Variants in PRKCB observed in about 807,000 individuals in gnomAD.
The protein encoded by PRKCB is protein kinase C beta, also known as protein kinase C beta type.
PRKCB carries 13 observed loss-of-function variants against 81.5 expected under a neutral mutation model. The observed-to-expected ratio is 0.16, with a 90% CI of 0.10 to 0.25. The LOEUF is 0.25. Ranked by LOEUF, PRKCB falls within the 10% of genes least tolerant of loss-of-function variation. The pLI, the probability that PRKCB is intolerant of heterozygous loss-of-function variation, is 1.00. For synonymous variants in PRKCB, 335 were observed against 321.4 expected (o/e 1.04, Z -0.45); for missense variants, 509 against 875.7 (o/e 0.58, Z 5.29).
chr16:24,188,264 A>G (rs1967735315), intron 15 of PRKCB, among the ~76,000 whole-genome samples: 1 of 152,154 alleles, frequency 6.6e-6, no homozygotes, highest in Non-Finnish European at 1.5e-5. Context: ...TCCTTCAAGG[A>G]GGGTACTCCA....
At chr16:24,004,478 CAAAAAAAAAAAAAA>C (rs71154264) in intron 3 of PRKCB, among the ~76,000 whole-genome samples, 2 of 47,450 alleles carry the variant, frequency 4.2e-5, no homozygotes, top group South Asian at 6.7e-4. Flanking sequence ...CAAGTCTCTA[CAAAAAAAAAAAAAA>C]AAAAAAGAAA....
At chr16:23,874,092 A>G (rs1287461174) in intron 2 of PRKCB, among the ~76,000 whole-genome samples, 2 of 152,228 alleles carry the variant, frequency 1.3e-5, no homozygotes, top group Non-Finnish European at 2.9e-5. Flanking sequence ...ACCCACGTAC[A>G]CATGTATTTA....
At chr16:24,197,139 C>G (rs1967891681) in intron 16 of PRKCB, among the ~76,000 whole-genome samples, 1 of 152,160 alleles carries the variant, frequency 6.6e-6, no homozygotes, top group African/African-American at 2.4e-5. Flanking sequence ...TAATTAACAT[C>G]CCTGCCTTCA....
chr16:23,847,554 A>ATCCG (rs1217904981), intron 2 of PRKCB, among the ~76,000 whole-genome samples: 1 of 142,320 alleles, frequency 7.0e-6, no homozygotes, highest in African/African-American at 2.6e-5. Context: ...CCATCCAACC[A>ATCCG]TCCATCCATC....
chr16:24,053,181 C>CA (rs201060723), intron 5 of PRKCB, among the ~76,000 whole-genome samples: 1,695 of 151,966 alleles, frequency 0.011, 21 homozygotes, highest in Middle Eastern at 0.058. Flanking sequence ...TTCACTCACT[C>CA]AAAAAAAAGT....
intron 5 of PRKCB, among the ~76,000 whole-genome samples, chr16:24,064,033 C>T (rs1966004457): frequency 6.6e-6 from 1 of 151,952 alleles, no homozygotes; most frequent in African/African-American, 2.4e-5. Context: ...GTACAGTAAC[C>T]CTCCCAGTCC....
At chr16:24,200,659 G>A (rs1220076274) in intron 16 of PRKCB, among the ~76,000 whole-genome samples, 3 of 152,234 alleles carry the variant, frequency 2.0e-5, no homozygotes, top group Non-Finnish European at 4.4e-5. Flanking sequence ...AAGGGCAAGA[G>A]AGAGTATGCG....
intron 2 of PRKCB, among the ~76,000 whole-genome samples, chr16:23,919,393 A>AG (rs1160963085): frequency 1.3e-5 from 2 of 151,804 alleles, no homozygotes; most frequent in Non-Finnish European, 2.9e-5. Context: ...TTTGCAAAAA[A>AG]AAAAAAACCT....
intron 5 of PRKCB, among the ~76,000 whole-genome samples, chr16:24,077,512 TCCA>T (rs1966194936): frequency 6.6e-6 from 1 of 151,598 alleles, no homozygotes; most frequent in Non-Finnish European, 1.5e-5. Flanking sequence ...CATCCATCCA[TCCA>T]TCCAGTTCAT....
chr16:24,112,698 G>A (rs1249037663), intron 7 of PRKCB, among the ~76,000 whole-genome samples: 1 of 152,146 alleles, frequency 6.6e-6, no homozygotes, highest in Non-Finnish European at 1.5e-5. Context: ...TGTGTATAGA[G>A]AGAGAGTGAG....
chr16:23,953,272 A>G (rs1964307693), intron 2 of PRKCB, among the ~76,000 whole-genome samples: 1 of 152,082 alleles, frequency 6.6e-6, no homozygotes, highest in Non-Finnish European at 1.5e-5. Flanking sequence ...CCGGGGTTTT[A>G]TTTTCCAATA....
intron 2 of PRKCB, among the ~76,000 whole-genome samples, chr16:23,935,975 C>T (rs920299989): frequency 4.6e-5 from 7 of 152,136 alleles, no homozygotes; most frequent in East Asian, 3.8e-4. Context: ...GCATTATTCC[C>T]GTGTAACAAA....
intron 2 of PRKCB, among the ~76,000 whole-genome samples, chr16:23,844,136 G>A (rs950791117): frequency 2.0e-5 from 3 of 152,224 alleles, no homozygotes; most frequent in African/African-American, 7.2e-5. Context: ...TTCTTGGGTA[G>A]ATAGGGGGAT....
intron 5 of PRKCB, among the ~76,000 whole-genome samples, chr16:24,055,585 A>G (rs975601286): frequency 6.6e-6 from 1 of 152,204 alleles, no homozygotes; most frequent in Non-Finnish European, 1.5e-5. Flanking sequence ...CTTTGATTTC[A>G]TTTCTTCTTT....
intron 3 of PRKCB, among the ~76,000 whole-genome samples, chr16:24,016,760 T>A (rs1335193567): frequency 6.6e-6 from 1 of 152,190 alleles, no homozygotes; most frequent in Non-Finnish European, 1.5e-5. Flanking sequence ...AATCTGTTTT[T>A]CTCCTGGCAG....
intron 2 of PRKCB, among the ~76,000 whole-genome samples, chr16:23,958,863 G>A (rs1350221709): frequency 1.3e-5 from 2 of 151,882 alleles, no homozygotes; most frequent in Admixed American, 6.6e-5. Flanking sequence ...GTTCAATCAA[G>A]TTCGTCTGTT....
chr16:23,931,505 T>G (rs1230413058), intron 2 of PRKCB, among the ~76,000 whole-genome samples: 1 of 152,164 alleles, frequency 6.6e-6, no homozygotes, highest in Non-Finnish European at 1.5e-5. Context: ...GATGCTAGGC[T>G]GAGTGTCATC....
At chr16:24,101,211 A>C (rs1255892958) in intron 7 of PRKCB, among the ~76,000 whole-genome samples, 3 of 152,114 alleles carry the variant, frequency 2.0e-5, no homozygotes, top group African/African-American at 7.2e-5. Flanking sequence ...AAGCAAGGAG[A>C]TGGTTAGTTT....
rs1963568806 is a variant in PRKCB at position 23,906,917 on chromosome 16, C to T, written c.205+69511C>T. ...AGCTGACTAGAGGCAAAGATCCTGA[C>T]CTGAAGGATAACCGCAATTTATTAA... On this transcript the variant is annotated intron_variant, in intron 2 of 16. Coordinates refer to ENST00000643927, the MANE Select transcript of PRKCB (RefSeq NM_002738.7). 2.0e-5 allele frequency among the ~76,000 whole-genome samples: 3 copies of T among 152,204 alleles called. No homozygotes were observed. In the East Asian group the frequency reaches 5.8e-4, roughly 29 times the overall value.
Sources: allele counts gnomAD v4.1 joint callset (sites outside exome capture counted in the v4.1 genomes callset), GRCh38; gene constraint gnomAD v4.1.1; transcripts MANE v1.5; gene names NCBI Gene and HGNC (gene_info 2026-07-23, HGNC 2026-07-21).